DYTN: variants seen among roughly 807,000 people sequenced by gnomAD.
The protein encoded by DYTN is dystrotelin.
In DYTN, 75 loss-of-function variants were observed where a neutral mutation model predicts 69.6. The ratio of observed to expected loss-of-function variants is 1.08; its 90% CI spans 0.89 to 1.31. The LOEUF (loss-of-function observed/expected upper bound fraction) is 1.31. Among genes scored for constraint, DYTN ranks in the 50% most tolerant of loss-of-function variants. DYTN has a pLI of 0.00. For synonymous variants in DYTN, 252 were observed against 249.1 expected (o/e 1.01, Z -0.11); for missense variants, 726 against 688.4 (o/e 1.05, Z -0.61).
intron 9 of DYTN, among the ~76,000 whole-genome samples, chr2:206,692,374 T>C (rs1559313464): frequency 1.3e-5 from 2 of 152,092 alleles, no homozygotes; most frequent in Non-Finnish European, 2.9e-5. Context: ...AAGGTCATCT[T>C]TAGGTTGGTG....
intron 3 of DYTN, 49 bp downstream of exon 3, chr2:206,707,253 G>A (rs778565004): frequency 2.5e-6 from 4 of 1,572,808 alleles, no homozygotes; most frequent in Admixed American, 1.8e-5. Context: ...ATGACCACTG[G>A]AAACTAAACT....
At chr2:206,687,602 TAGG>T (rs933657701) in intron 9 of DYTN, among the ~76,000 whole-genome samples, 1 of 152,120 alleles carries the variant, frequency 6.6e-6, no homozygotes, top group Non-Finnish European at 1.5e-5. Context: ...CTTTCTTCCT[TAGG>T]AGATGTTCTT....
At chr2:206,667,351 T>G (rs144168386) in intron 9 of DYTN, among the ~76,000 whole-genome samples, 42 of 152,330 alleles carry the variant, frequency 2.8e-4, no homozygotes, top group African/African-American at 9.9e-4. Flanking sequence ...GCCTGGATGC[T>G]GTTTCTTCCC....
At chr2:206,711,804 C>A (rs1270799003) in intron 1 of DYTN, among the ~76,000 whole-genome samples, 1 of 133,980 alleles carries the variant, frequency 7.5e-6, no homozygotes, top group African/African-American at 2.8e-5. Context: ...TCTCATTGTT[C>A]AATTCTCTTA....
chr2:206,651,810 A>T lies in DYTN; in HGVS notation c.*8T>A, dbSNP rs773627329. On this transcript the variant is annotated 3_prime_UTR_variant, in exon 12 of 12. Coordinates refer to ENST00000452335, the MANE Select transcript of DYTN (RefSeq NM_001093730.1). ...CACACCAAGAGGCCTTTGAGCCTGG[A>T]CTCCATTTCACTTCAAATTGGGCAA... 30 of 1,612,836 alleles carry T rather than the reference A, an allele frequency of 1.9e-5. No individual in the cohort carries two copies. Among genetic ancestry groups the T allele is most frequent in the Non-Finnish European group, 2.5e-5 (29 of 1,179,148 alleles).
chr2:206,664,330 C>T (rs1016076940), intron 10 of DYTN, among the ~76,000 whole-genome samples: 1 of 152,042 alleles, frequency 6.6e-6, no homozygotes, highest in African/African-American at 2.4e-5. Context: ...AATGTCACTG[C>T]AAGGAGAACA....
In DYTN at chr2:206,699,904, G is replaced by T. The variant is rs1056444623; in HGVS notation, c.556-14C>A. ...TGGGCTCAACACCTGAAAAACAATGGCACTCTAAGATGTGTTTTTAGGCAC... is the reference window on the plus strand; with the variant it reads ...TGGGCTCAACACCTGAAAAACAATGTCACTCTAAGATGTGTTTTTAGGCAC... On this transcript the variant is annotated splice_polypyrimidine_tract_variant and intron_variant, in intron 6 of 11. Coordinates refer to ENST00000452335, the MANE Select transcript of DYTN (RefSeq NM_001093730.1). 3.1e-6 allele frequency: 5 copies of T among 1,609,572 alleles called. No homozygotes were observed. Among genetic ancestry groups the T allele is most frequent in the Non-Finnish European group, 3.4e-6 (4 of 1,178,092 alleles).
intron 2 of DYTN, among the ~76,000 whole-genome samples, chr2:206,709,114 TA>T (rs1700054976): frequency 6.6e-6 from 1 of 152,136 alleles, no homozygotes; most frequent in African/African-American, 2.4e-5. Flanking sequence ...AAACTGTTTT[TA>T]AAACCAAAAA....
At chr2:206,699,966 C>A in intron 6 of DYTN, 76 bp from the exon 7 acceptor site, 4 of 1,557,284 alleles carry the variant, frequency 2.6e-6, no homozygotes, top group Non-Finnish European at 3.5e-6. Flanking sequence ...GACTCTAATT[C>A]TGTCAGTTCT....
Position 206,700,125 on chromosome 2 carries a change from G to A in DYTN, c.555+20C>T, listed in dbSNP as rs748088439. The A allele has an allele frequency of 6.2e-7, 1 of 1,613,748 alleles. No individual in the cohort carries two copies. The highest frequency in any genetic ancestry group is 1.1e-5 in the South Asian group (1 of 91,080). ...CACCGTGTCTGTCCCCAACTCCAGG[G>A]ACATTTGCAAGGCACTCACCCCTTG... On this transcript the variant is annotated intron_variant, in intron 6 of 11. Coordinates refer to ENST00000452335, the MANE Select transcript of DYTN (RefSeq NM_001093730.1).
At chr2:206,715,462 G>A (rs1236180013) in intron 1 of DYTN, among the ~76,000 whole-genome samples, 1 of 152,172 alleles carries the variant, frequency 6.6e-6, no homozygotes, top group African/African-American at 2.4e-5. Flanking sequence ...TTGCTGGGAA[G>A]GGAAGTGTGG....
chr2:206,656,035 T>C (rs1264080252), intron 11 of DYTN, among the ~76,000 whole-genome samples: 2 of 152,206 alleles, frequency 1.3e-5, no homozygotes, highest in Non-Finnish European at 2.9e-5. Context: ...TATTTCCTTA[T>C]TGATTTTCTG....
intron 5 of DYTN, among the ~76,000 whole-genome samples, chr2:206,703,125 G>A (rs781106090): frequency 2.0e-5 from 3 of 152,156 alleles, no homozygotes; most frequent in African/African-American, 4.8e-5. Context: ...TGCTGAGGGA[G>A]CTTCTAGTTC....
intron 9 of DYTN, among the ~76,000 whole-genome samples, chr2:206,667,633 T>C (rs1699587360): frequency 6.6e-6 from 1 of 152,064 alleles, no homozygotes; most frequent in African/African-American, 2.4e-5. Context: ...TTTACTTATA[T>C]ATTACCTACT....
At chr2:206,709,016 G>A (rs1559318468) in intron 2 of DYTN, among the ~76,000 whole-genome samples, 1 of 151,934 alleles carries the variant, frequency 6.6e-6, no homozygotes, top group Non-Finnish European at 1.5e-5. Context: ...TGCATAATTG[G>A]GGGTAAATTT....
At position 206,707,311 on chromosome 2, in the gene DYTN, A is replaced by G; in HGVS notation, c.287T>C (p.Met96Thr). The G allele has an allele frequency of 6.2e-7, 1 of 1,611,746 alleles. No individual in the cohort carries two copies. ...PELTLSLLTTMYNSKGTGFLQ... is the reference protein window; with the variant it reads ...PELTLSLLTTTYNSKGTGFLQ... ...ACGTCCACACCCTCACCTGTTGTACATTGTCGTGAGAAGGCTCAGAGTGAG... is the reference window on the plus strand; with the variant it reads ...ACGTCCACACCCTCACCTGTTGTACGTTGTCGTGAGAAGGCTCAGAGTGAG... Residue 96 changes from methionine to threonine, a missense_variant, in exon 3 of 12, where the codon ATG becomes ACG. Physicochemically the swap from Met to Thr is moderately conservative, Grantham distance 81 (BLOSUM62 -1). Coordinates refer to ENST00000452335, the MANE Select transcript of DYTN (RefSeq NM_001093730.1).
In DYTN at chr2:206,700,011, G is replaced by A. The variant is rs140530594; in HGVS notation, c.556-121C>T. 3.3e-3 allele frequency: 4,983 copies of A among 1,516,660 alleles called. 11 individuals carry two copies. Among genetic ancestry groups the A allele is most frequent in the Non-Finnish European group, 4.1e-3 (4,616 of 1,112,748 alleles). The allele number at this position is 1,516,660 out of a possible 1,614,324, so 94.0% of individuals were successfully genotyped here. A position where few individuals can be genotyped will look rare whatever the true frequency, so the allele number is the denominator to read the frequency against. On this transcript the variant is annotated intron_variant, in intron 6 of 11. Transcript: ENST00000452335. ...GTTTATCATAGGAAAAGCTGGAGGT[G>A]AGACTACCTCCTAAATTCAGTTATC... is the stretch of plus-strand genomic sequence containing the variant.
chr2:206,664,493 C>T (rs13412976), intron 10 of DYTN, among the ~76,000 whole-genome samples: 17,456 of 151,672 alleles, frequency 0.12, 1,070 homozygotes, highest in Non-Finnish European at 0.14. Flanking sequence ...CCCCTCCCTA[C>T]AAAAAATAAA....
rs7568469 is a variant in DYTN at position 206,659,488 on chromosome 2, A to G, written c.1633+3415T>C. On this transcript the variant is annotated intron_variant, in intron 11 of 11. Transcript: ENST00000452335. The stretch of plus-strand genomic sequence containing the variant: ...CACGCCGGGCCCAACAATTCTCAAA[A>G]AAAAAAAAAAAAAAAAAAAAAAACT... Among the ~76,000 whole-genome samples the G allele has an allele frequency of 8.0e-3, 587 of 73,536 alleles. 1 individual carries two copies. Among genetic ancestry groups the G allele is most frequent in the Admixed American group, 0.012 (76 of 6,088 alleles). The allele number at this position is 73,536 out of a possible 152,430, so 48.2% of individuals were successfully genotyped here.
Sources: allele counts gnomAD v4.1 joint callset (sites outside exome capture counted in the v4.1 genomes callset), GRCh38; gene constraint gnomAD v4.1.1; transcripts MANE v1.5; gene names NCBI Gene and HGNC (gene_info 2026-07-23, HGNC 2026-07-21).